The following SEC22A variants were observed in gnomAD, a reference collection of about 807,000 sequenced individuals.
SEC22A encodes the protein vesicle-trafficking protein SEC22a.
In SEC22A, 22 loss-of-function variants were observed where a neutral mutation model predicts 35.3. The ratio of observed to expected loss-of-function variants is 0.62; its 90% CI spans 0.45 to 0.89. The LOEUF is 0.89. Among genes scored for constraint, SEC22A ranks in the 40% least tolerant of loss-of-function variants. The probability of loss-of-function intolerance (pLI) is 0.00; values close to 1 mark genes in which losing one functional copy is unlikely to be tolerated. For synonymous variants in SEC22A, 119 were observed against 129.5 expected, an observed-to-expected ratio of 0.92 and a Z score of 0.55; for missense variants, 354 against 362.5, an observed-to-expected ratio of 0.98 and a Z score of 0.19.
At chr3:123,223,772 A>G (rs772765698) in intron 3 of SEC22A, 50 bp downstream of exon 3, 1 of 1,386,890 alleles carries the variant, frequency 7.2e-7, no homozygotes, top group Admixed American at 2.0e-5. Context: ...ATCCAATCAT[A>G]AGCAATTTTA....
chr3:123,251,081 A>G (rs1017248916), intron 5 of SEC22A, among the ~76,000 whole-genome samples: 1 of 152,246 alleles, frequency 6.6e-6, no homozygotes, highest in African/African-American at 2.4e-5. Context: ...CAAACATTTC[A>G]AGAAAGTAAA....
intron 2 of SEC22A, among the ~76,000 whole-genome samples, chr3:123,223,295 A>G (rs1937161312): frequency 6.6e-6 from 1 of 152,164 alleles, no homozygotes; most frequent in Non-Finnish European, 1.5e-5. Flanking sequence ...CCTGCTTTTT[A>G]CCCCAAGTGA....
At chr3:123,264,443 T>A (rs1937974780) in intron 6 of SEC22A, among the ~76,000 whole-genome samples, 1 of 152,206 alleles carries the variant, frequency 6.6e-6, no homozygotes, top group Non-Finnish European at 1.5e-5. Flanking sequence ...TGATCTAGTT[T>A]CTCTGCATCC....
chr3:123,269,781 C>G (rs1032607168), intron 6 of SEC22A, among the ~76,000 whole-genome samples: 3 of 151,654 alleles, frequency 2.0e-5, no homozygotes, highest in Non-Finnish European at 4.4e-5. Flanking sequence ...TACAGGCGCC[C>G]GCCACCACAC....
intron 2 of SEC22A, 119 bp from the exon 3 acceptor site, chr3:123,223,440 T>C: frequency 6.9e-6 from 5 of 724,654 alleles, no homozygotes; most frequent in South Asian, 6.4e-5. Context: ...ATATAATAAA[T>C]GTTAAGATCT....
At chr3:123,247,337 T>C (rs13101217) in intron 5 of SEC22A, among the ~76,000 whole-genome samples, 93,722 of 151,890 alleles carry the variant, frequency 0.62, 29,260 homozygotes, top group African/African-American at 0.68. Context: ...CCCCACAGAG[T>C]TTCACTATCT....
chr3:123,226,069 T>C (rs1177129544), intron 4 of SEC22A, among the ~76,000 whole-genome samples: 1 of 152,266 alleles, frequency 6.6e-6, no homozygotes, highest in Admixed American at 6.5e-5. Context: ...GTTGTGTATG[T>C]GTGCCACATT....
intron 4 of SEC22A, among the ~76,000 whole-genome samples, chr3:123,233,007 G>A (rs1470076255): frequency 6.6e-6 from 1 of 152,078 alleles, no homozygotes; most frequent in African/African-American, 2.4e-5. Context: ...GTATGCATGT[G>A]TAGTCCCGGC....
At chr3:123,226,101 G>T (rs1937214370) in intron 4 of SEC22A, among the ~76,000 whole-genome samples, 7 of 152,200 alleles carry the variant, frequency 4.6e-5, no homozygotes, top group Admixed American at 4.6e-4. Flanking sequence ...TTTGTCTGAT[G>T]ATGGGCACTT....
chr3:123,242,501 C>CT (rs11448666), intron 4 of SEC22A, among the ~76,000 whole-genome samples: 83,100 of 146,652 alleles, frequency 0.57, 23,577 homozygotes, highest in Non-Finnish European at 0.61. Flanking sequence ...TTCCCCATTT[C>CT]TTTTTTTTTT....
intron 4 of SEC22A, 58 bp downstream of exon 4, chr3:123,225,355 A>G (rs1477965961): frequency 9.5e-7 from 1 of 1,051,978 alleles, no homozygotes; most frequent in Admixed American, 2.3e-5. Context: ...AAACTGAGAA[A>G]CTCTTGAAAA....
At chr3:123,243,744 A>G (rs866051933) in intron 4 of SEC22A, 7 of 152,246 alleles carry the variant, frequency 4.6e-5, no homozygotes, top group Middle Eastern at 3.2e-3. Flanking sequence ...GAATAAATAT[A>G]TTAATTTACT....
At chr3:123,247,210 G>A (rs1417164987) in intron 5 of SEC22A, among the ~76,000 whole-genome samples, 5 of 152,106 alleles carry the variant, frequency 3.3e-5, no homozygotes, top group Non-Finnish European at 7.3e-5. Context: ...GATAGAAAAA[G>A]CTTACAAATA....
intron 1 of SEC22A, 64 bp downstream of exon 1, chr3:123,202,050 C>G (rs1408104046): frequency 6.5e-6 from 1 of 153,306 alleles, no homozygotes; most frequent in African/African-American, 2.4e-5. Flanking sequence ...TCCCTGCCGG[C>G]CTCTCCCCTC....
chr3:123,207,898 T>C (rs1470908707), intron 1 of SEC22A, among the ~76,000 whole-genome samples: 1 of 152,236 alleles, frequency 6.6e-6, no homozygotes, highest in African/African-American at 2.4e-5. Context: ...AAAACCAATA[T>C]TCCTTTAGCT....
chr3:123,269,707 A>G (rs1159068985), intron 6 of SEC22A, among the ~76,000 whole-genome samples: 1 of 131,776 alleles, frequency 7.6e-6, no homozygotes, highest in African/African-American at 2.9e-5. Flanking sequence ...ATCTCGGCTC[A>G]CTGCAACCTC....
intron 4 of SEC22A, among the ~76,000 whole-genome samples, chr3:123,230,699 C>CAAAAAA (rs376679473): frequency 3.0e-4 from 14 of 47,352 alleles, no homozygotes; most frequent in Middle Eastern, 0.017. Context: ...TCACTTCATG[C>CAAAAAA]AAAAAAAAAA....
At position 123,272,777 on chromosome 3, in the gene SEC22A, A is replaced by G. The variant is rs1938201611; in HGVS notation, c.*1055A>G. 2 of 153,790 alleles carry G rather than the reference A, an allele frequency of 1.3e-5. No individual in the cohort carries two copies. The highest frequency in any genetic ancestry group is 6.5e-5 in the Admixed American group (1 of 15,290). 9.5% of individuals were successfully genotyped at this position (153,790 alleles called of 1,614,324 possible). On this transcript the variant is annotated 3_prime_UTR_variant, in exon 7 of 7. Coordinates refer to ENST00000492595, the MANE Select transcript of SEC22A (RefSeq NM_012430.5). ...TCTCACTGTGATTCAGCATTATTCT[A>G]TGTTGTGCATCACTTAAAGACATGT... is the stretch of plus-strand genomic sequence containing the variant.
intron 2 of SEC22A, among the ~76,000 whole-genome samples, chr3:123,215,013 C>G (rs1272557252): frequency 6.6e-6 from 1 of 152,166 alleles, no homozygotes; most frequent in Non-Finnish European, 1.5e-5. Context: ...CAGTGTTTCC[C>G]TTTCACTCTT....
Sources: gnomAD v4.1 joint callset for allele counts (sites outside exome capture counted in the v4.1 genomes callset) on GRCh38, gnomAD v4.1.1 for gene constraint, MANE v1.5 for transcripts, NCBI Gene and HGNC (gene_info 2026-07-23, HGNC 2026-07-21) for gene names.